The following TTC7B variants were observed in gnomAD, a reference collection of about 807,000 sequenced individuals.
TTC7B encodes tetratricopeptide repeat protein 7B.
Under a neutral mutation model 106.8 loss-of-function variants are expected in TTC7B, and 28 were observed. The ratio of observed to expected loss-of-function variants is 0.26; its 90% CI spans 0.19 to 0.36. TTC7B has a LOEUF of 0.36. Ranked by LOEUF, TTC7B falls within the 10% of genes least tolerant of loss-of-function variation. The probability of loss-of-function intolerance (pLI) is 1.00; values close to 1 mark genes in which losing one functional copy is unlikely to be tolerated. For synonymous variants in TTC7B, 405 were observed against 430.6 expected, an observed-to-expected ratio of 0.94 and a Z score of 0.74; for missense variants, 862 against 1,076.4, an observed-to-expected ratio of 0.80 and a Z score of 2.79.
intron 1 of TTC7B, 54 bp downstream of exon 1, chr14:90,816,121 C>G (rs1419789224): frequency 9.8e-7 from 1 of 1,022,644 alleles, no homozygotes; most frequent in Non-Finnish European, 1.2e-6. Flanking sequence ...GGGGCCCGTT[C>G]CCGCGGAGGC....
intron 9 of TTC7B, among the ~76,000 whole-genome samples, chr14:90,665,897 C>T (rs1886391400): frequency 6.6e-6 from 1 of 152,146 alleles, no homozygotes; most frequent in South Asian, 2.1e-4. Context: ...ATGATATATA[C>T]AAAATATTTC....
At chr14:90,640,652 A>G (rs1885133350) in intron 15 of TTC7B, among the ~76,000 whole-genome samples, 1 of 152,234 alleles carries the variant, frequency 6.6e-6, no homozygotes, top group Admixed American at 6.5e-5. Flanking sequence ...ATTCTAAAAT[A>G]CCATATTTGA....
chr14:90,541,363 C>T lies in TTC7B; in HGVS notation c.*5G>A, dbSNP rs760652630. 26 of 1,581,270 alleles carry T rather than the reference C, an allele frequency of 1.6e-5. No homozygotes were observed. The South Asian group carries it at 2.6e-4, about 16-fold the overall frequency. On this transcript the variant is annotated 3_prime_UTR_variant, in exon 20 of 20. Transcript: ENST00000328459. ...GAGCGGCAGGTGAGGCTGGCAGGCG[C>T]CTGCTCAGAGCACGCGGGGGATGAT...
chr14:90,749,404 T>TTC (rs1184199294), intron 3 of TTC7B, among the ~76,000 whole-genome samples: 1 of 34 alleles, frequency 0.029, no homozygotes, highest in Admixed American at 0.17. Flanking sequence ...TAATTTTTCT[T>TTC]TTTTTTTTTT....
chr14:90,618,056 G>A lies in TTC7B; in HGVS notation c.1752-11C>T. On this transcript the variant is annotated splice_polypyrimidine_tract_variant and intron_variant, in intron 15 of 19. Coordinates refer to ENST00000328459, the MANE Select transcript of TTC7B (RefSeq NM_001010854.2). Reference sequence around the variant, plus strand: ...TTGGAAAACAGTAGTCTGCAGTGGGGAGACAAAGGGAGAAAACACCACGGC... The same window carrying A: ...TTGGAAAACAGTAGTCTGCAGTGGGAAGACAAAGGGAGAAAACACCACGGC... 6.3e-7 allele frequency: 1 copy of A among 1,593,738 alleles called. No homozygotes were observed.
At chr14:90,605,722 CT>C in intron 17 of TTC7B, 1 of 1,282,626 alleles carries the variant, frequency 7.8e-7, no homozygotes, top group African/African-American at 1.5e-5. Flanking sequence ...AGATTCGGTT[CT>C]TGAAAGAGGA....
At chr14:90,801,222 CAA>C (rs67620286) in intron 1 of TTC7B, among the ~76,000 whole-genome samples, 10 of 70,936 alleles carry the variant, frequency 1.4e-4, no homozygotes, top group Admixed American at 1.2e-3. Context: ...AAGACCCTAT[CAA>C]AAAAAAAAAA....
rs181227193 is a variant in TTC7B, at chr14:90,770,486, G to C, written c.445+10252C>G. The stretch of plus-strand genomic sequence containing the variant: ...AGCCTGACCAACATGGAGAAACCCC[G>C]TCCCTACTAAAAATACAAAATTAGC... On this transcript the variant is annotated intron_variant, in intron 3 of 19. Transcript: ENST00000328459. Among the ~76,000 whole-genome samples, 4 of 152,098 alleles carry C rather than the reference G, an allele frequency of 2.6e-5. No individual in the cohort carries two copies. The East Asian group carries it at 7.8e-4, about 29-fold the overall frequency.
chr14:90,739,297 G>A (rs552478953), intron 4 of TTC7B, among the ~76,000 whole-genome samples: 1 of 152,330 alleles, frequency 6.6e-6, no homozygotes, highest in African/African-American at 2.4e-5. Context: ...GCCTGAAACG[G>A]GAAGGAAAGG....
intron 3 of TTC7B, among the ~76,000 whole-genome samples, chr14:90,779,965 T>A (rs1891154772): frequency 6.6e-6 from 1 of 152,230 alleles, no homozygotes; most frequent in Admixed American, 6.5e-5. Context: ...AGAGGTGGCA[T>A]TAATGAATAA....
chr14:90,669,456 T>C (rs982618101), intron 9 of TTC7B, among the ~76,000 whole-genome samples: 1 of 150,618 alleles, frequency 6.6e-6, no homozygotes, highest in Non-Finnish European at 1.5e-5. Context: ...CCTAGCACTT[T>C]AGGAAGCCAA....
intron 5 of TTC7B, among the ~76,000 whole-genome samples, chr14:90,727,402 C>G (rs1284995085): frequency 2.6e-5 from 4 of 152,220 alleles, no homozygotes; most frequent in Non-Finnish European, 4.4e-5. Context: ...CTAAATTTTT[C>G]TAAACAATAG....
In TTC7B at chr14:90,543,969, G is replaced by A. The variant is rs565848187; in HGVS notation, c.2311-2380C>T. ...ATCCAAGAGCCTGAGAGACAACCTG[G>A]CTTCCATAAGCCCCCAACAGGGGAG... On this transcript the variant is annotated intron_variant, in intron 19 of 19. Transcript: ENST00000328459. Among the ~76,000 whole-genome samples, 4 of 152,362 alleles carry A rather than the reference G, an allele frequency of 2.6e-5. No individual in the cohort carries two copies. The South Asian group carries it at 8.3e-4, about 32-fold the overall frequency.
intron 8 of TTC7B, among the ~76,000 whole-genome samples, chr14:90,679,153 GCTGA>G (rs1487792957): frequency 1.3e-5 from 2 of 152,218 alleles, no homozygotes; most frequent in African/African-American, 4.8e-5. Context: ...TAAGTTATCA[GCTGA>G]CTATCGGGCA....
chr14:90,542,884 A>G (rs368475652), intron 19 of TTC7B, among the ~76,000 whole-genome samples: 87 of 152,262 alleles, frequency 5.7e-4, no homozygotes, highest in African/African-American at 2.0e-3. Flanking sequence ...GGGTAAGAGG[A>G]TATGACTCTC....
At chr14:90,618,183 G>A in intron 15 of TTC7B, 138 bp from the exon 16 acceptor site, 1 of 613,992 alleles carries the variant, frequency 1.6e-6, no homozygotes, top group Admixed American at 2.9e-5. Context: ...TGTGGTCCAA[G>A]GAAAGCGGGA....
At chr14:90,554,913 C>T (rs564507087) in intron 19 of TTC7B, among the ~76,000 whole-genome samples, 2 of 152,256 alleles carry the variant, frequency 1.3e-5, no homozygotes, top group African/African-American at 2.4e-5. Context: ...TGGAGTGGAT[C>T]GACTCTTAGT....
intron 3 of TTC7B, chr14:90,766,685 GCA>G: frequency 7.2e-7 from 1 of 1,379,492 alleles, no homozygotes; most frequent in Non-Finnish European, 1.0e-6. Context: ...GACATTGACT[GCA>G]CCAAGAGGGC....
chr14:90,559,193 G>C (rs1171315230), intron 19 of TTC7B, among the ~76,000 whole-genome samples: 1 of 152,248 alleles, frequency 6.6e-6, no homozygotes, highest in African/African-American at 2.4e-5. Flanking sequence ...GCCATGTATG[G>C]GTCAGTTAAC....
Sources: allele counts gnomAD v4.1 joint callset (sites outside exome capture counted in the v4.1 genomes callset), GRCh38; gene constraint gnomAD v4.1.1; transcripts MANE v1.5; gene names NCBI Gene and HGNC (gene_info 2026-07-23, HGNC 2026-07-21).